Variants in HDAC4 observed in about 807,000 individuals in gnomAD.
The protein encoded by HDAC4 is histone deacetylase 4.
Under a neutral mutation model 135.1 loss-of-function variants are expected in HDAC4, and 16 were observed. The observed-to-expected ratio is 0.12, with a 90% CI of 0.08 to 0.18. HDAC4 has a LOEUF of 0.18. HDAC4 is among the 10% of genes least tolerant of loss of function. HDAC4 has a pLI of 1.00. For synonymous variants in HDAC4, 685 were observed against 653.4 expected, an observed-to-expected ratio of 1.05 and a Z score of -0.74; for missense variants, 1,143 against 1,511.8, an observed-to-expected ratio of 0.76 and a Z score of 4.05.
intron 1 of HDAC4, among the ~76,000 whole-genome samples, chr2:239,380,854 G>A (rs10209266): frequency 0.031 from 4,712 of 152,116 alleles, 236 homozygotes; most frequent in African/African-American, 0.11. Context: ...CGGCCTTCAC[G>A]TCCCATCTCA....
intron 11 of HDAC4, among the ~76,000 whole-genome samples, chr2:239,130,158 C>T (rs901654033): frequency 4.6e-5 from 7 of 152,194 alleles, no homozygotes; most frequent in African/African-American, 7.2e-5. Flanking sequence ...CAATCCCGGC[C>T]GCCCAAGGGA....
chr2:239,262,499 G>A lies in HDAC4; in HGVS notation c.23-25835C>T, dbSNP rs546507747. Among the ~76,000 whole-genome samples, 75 of 152,334 alleles carry A rather than the reference G, an allele frequency of 4.9e-4. No individual in the cohort carries two copies. The highest frequency in any genetic ancestry group is 1.7e-3 in the African/African-American group (71 of 41,582). On this transcript the variant is annotated intron_variant, in intron 2 of 26. Transcript: ENST00000543185. This position sits in a 1 kb window ranked among gnomAD's most constrained non-coding sequence, Gnocchi z 4.1. Reference sequence around the variant, plus strand: ...GATCTTCTCAAATCACCCTTGCCTTGTTTGCCCAGGTCCGAGATGAGGTAA... The same window carrying A: ...GATCTTCTCAAATCACCCTTGCCTTATTTGCCCAGGTCCGAGATGAGGTAA...
intron 1 of HDAC4, among the ~76,000 whole-genome samples, chr2:239,355,517 G>A (rs1193307916): frequency 6.6e-6 from 1 of 152,134 alleles, no homozygotes; most frequent in Non-Finnish European, 1.5e-5. Context: ...ACTCGGCCTA[G>A]TCCCTCCTCA....
At chr2:239,152,104 T>C (rs1395895922) in intron 7 of HDAC4, among the ~76,000 whole-genome samples, 3 of 152,212 alleles carry the variant, frequency 2.0e-5, no homozygotes, top group Non-Finnish European at 4.4e-5. Flanking sequence ...ACGATGAAGA[T>C]GTTACTGGGG....
chr2:239,107,336 C>T (rs528968492), intron 15 of HDAC4, among the ~76,000 whole-genome samples: 48 of 152,360 alleles, frequency 3.2e-4, no homozygotes, highest in Non-Finnish European at 4.6e-4. Context: ...GAGGCGGGGC[C>T]GGGCCCTCCT....
rs981283357 is a variant in HDAC4, at chr2:239,068,734, G to A, written c.2751-127C>T. The A allele has an allele frequency of 7.4e-6, 6 of 814,514 alleles. No individual in the cohort carries two copies. Among genetic ancestry groups the A allele is most frequent in the Non-Finnish European group, 1.1e-5 (5 of 464,928 alleles). The allele number at this position is 814,514 out of a possible 1,614,324, so 50.5% of individuals were successfully genotyped here. ...ACCCCCTCGGCCACTGGCGGGCTGA[G>A]GGCTCCACACAGCAGGCTGGAATCT... On this transcript the variant is annotated intron_variant, in intron 22 of 26. Transcript: ENST00000543185. This position sits in a 1 kb window ranked among gnomAD's most constrained non-coding sequence, Gnocchi z 4.4.
intron 5 of HDAC4, among the ~76,000 whole-genome samples, chr2:239,171,648 A>AG (rs1317092263): frequency 1.3e-5 from 2 of 152,252 alleles, no homozygotes; most frequent in Non-Finnish European, 2.9e-5. Context: ...CAACAGATTT[A>AG]GGAATTACAA....
At chr2:239,059,868 A>C (rs1244473544) in intron 24 of HDAC4, among the ~76,000 whole-genome samples, 1 of 151,846 alleles carries the variant, frequency 6.6e-6, no homozygotes, top group Non-Finnish European at 1.5e-5. Context: ...CCTTGGACCC[A>C]CCTACCAGCC....
At chr2:239,202,176 G>A (rs906133316) in intron 3 of HDAC4, among the ~76,000 whole-genome samples, 1 of 152,180 alleles carries the variant, frequency 6.6e-6, no homozygotes, top group Non-Finnish European at 1.5e-5. Flanking sequence ...CCAGCCTGAG[G>A]GGACACTGGC....
At chr2:239,266,877 C>T (rs1360419536) in intron 2 of HDAC4, among the ~76,000 whole-genome samples, 1 of 152,164 alleles carries the variant, frequency 6.6e-6, no homozygotes, top group Non-Finnish European at 1.5e-5. Flanking sequence ...GGTGCTGTGG[C>T]CTTCCCCAGG....
intron 2 of HDAC4, among the ~76,000 whole-genome samples, chr2:239,253,485 T>A (rs913356813): frequency 2.6e-5 from 4 of 152,206 alleles, no homozygotes; most frequent in African/African-American, 9.7e-5. Flanking sequence ...TGCTTTGATG[T>A]TCTGAATTAA....
chr2:239,211,148 C>T (rs1206420138), intron 3 of HDAC4, among the ~76,000 whole-genome samples: 2 of 152,226 alleles, frequency 1.3e-5, no homozygotes, highest in Non-Finnish European at 2.9e-5. Flanking sequence ...AAATCACTTT[C>T]TCACAAAAAG....
chr2:239,312,462 T>G (rs1434635007), intron 2 of HDAC4, among the ~76,000 whole-genome samples: 2 of 152,174 alleles, frequency 1.3e-5, no homozygotes, highest in African/African-American at 4.8e-5. Flanking sequence ...ATTAGGCCCT[T>G]TCTTCCTCAA....
intron 2 of HDAC4, among the ~76,000 whole-genome samples, chr2:239,291,991 C>T (rs2051534351): frequency 6.6e-6 from 1 of 152,244 alleles, no homozygotes; most frequent in Non-Finnish European, 1.5e-5. Flanking sequence ...CACAGCCCAG[C>T]TCAGGACAGC....
At chr2:239,321,464 CAAAAAAAAAAAAA>C (rs10530231) in intron 2 of HDAC4, among the ~76,000 whole-genome samples, 2 of 56,306 alleles carry the variant, frequency 3.6e-5, no homozygotes, top group African/African-American at 1.2e-4. Context: ...GACTCCGTCT[CAAAAAAAAAAAAA>C]AAAAAAAAAA....
chr2:239,102,643 C>T, intron 16 of HDAC4, 133 bp downstream of exon 16: 1 of 989,598 alleles, frequency 1.0e-6, no homozygotes, highest in Non-Finnish European at 1.6e-6. Context: ...GAAAGGTTCC[C>T]TTTCAGGCCC....
chr2:239,086,560 G>A (rs1296787613), intron 19 of HDAC4, among the ~76,000 whole-genome samples: 1 of 152,152 alleles, frequency 6.6e-6, no homozygotes, highest in African/African-American at 2.4e-5. Context: ...CCCTGTACGT[G>A]AAGGAGATTC....
intron 1 of HDAC4, among the ~76,000 whole-genome samples, chr2:239,385,840 CAA>C (rs1460227790): frequency 6.6e-6 from 1 of 152,152 alleles, no homozygotes; most frequent in African/African-American, 2.4e-5. Flanking sequence ...GGTACAGAAT[CAA>C]AAAGAGGCCA....
At chr2:239,175,092 G>A (rs1440992024) in intron 5 of HDAC4, among the ~76,000 whole-genome samples, 1 of 152,138 alleles carries the variant, frequency 6.6e-6, no homozygotes, top group Non-Finnish European at 1.5e-5. Context: ...TGTATACCTC[G>A]ACTCCTTTTC....
Sources: gnomAD v4.1 joint callset for allele counts (sites outside exome capture counted in the v4.1 genomes callset) on GRCh38, gnomAD v4.1.1 for gene constraint, Gnocchi (gnomAD v3.1) non-coding constraint, MANE v1.5 for transcripts, NCBI Gene and HGNC (gene_info 2026-07-23, HGNC 2026-07-21) for gene names.